Variants in PKHD1 observed in about 807,000 individuals in gnomAD.
The protein encoded by PKHD1 is fibrocystin.
Under a neutral mutation model 412.0 loss-of-function variants are expected in PKHD1, and 291 were observed. The ratio of observed to expected loss-of-function variants is 0.71; its 90% CI spans 0.64 to 0.78. The LOEUF (loss-of-function observed/expected upper bound fraction) is 0.78, where lower values mean the gene tolerates loss of function less well. Among genes scored for constraint, PKHD1 ranks in the 30% least tolerant of loss-of-function variants. The pLI is 0.00. For synonymous variants in PKHD1, 1,777 were observed against 1,821.5 expected (o/e 0.98, Z 0.62); for missense variants, 4,825 against 4,950.7 (o/e 0.97, Z 0.76).
At chr6:51,792,592 G>A (rs1380982980) in intron 52 of PKHD1, among the ~76,000 whole-genome samples, 1 of 152,176 alleles carries the variant, frequency 6.6e-6, no homozygotes, top group African/African-American at 2.4e-5. Context: ...TCCTTTGCAG[G>A]TTGATGAAGC....
intron 12 of PKHD1, 55 bp downstream of exon 12, chr6:52,065,921 A>G: frequency 1.1e-6 from 1 of 881,592 alleles, no homozygotes; most frequent in East Asian, 2.4e-5. Context: ...CAGACATATA[A>G]TCTCCTAGAG....
At position 51,890,055 on chromosome 6, in the gene PKHD1, A is replaced by G. The variant is rs148129990; in HGVS notation, c.6997-2810T>C. Among the ~76,000 whole-genome samples, 295 of 152,220 alleles carry G rather than the reference A, an allele frequency of 1.9e-3. 1 individual carries two copies. The highest frequency in any genetic ancestry group is 6.5e-3 in the African/African-American group (272 of 41,532). ...AATGATGAGTAGAATAATAACACTCATAGTGAAAATCTACAGAGAAGGCAC... is the reference window on the plus strand; with the variant it reads ...AATGATGAGTAGAATAATAACACTCGTAGTGAAAATCTACAGAGAAGGCAC... On this transcript the variant is annotated intron_variant, in intron 43 of 66. Coordinates refer to ENST00000371117, the MANE Select transcript of PKHD1 (RefSeq NM_138694.4).
intron 35 of PKHD1, among the ~76,000 whole-genome samples, chr6:52,001,705 A>G (rs1798420943): frequency 6.6e-6 from 1 of 152,112 alleles, no homozygotes; most frequent in African/African-American, 2.4e-5. Flanking sequence ...TGCTGGGATT[A>G]CAGGTGTGAG....
chr6:51,925,435 C>A (rs1031076548), intron 37 of PKHD1, among the ~76,000 whole-genome samples: 3 of 120,460 alleles, frequency 2.5e-5, no homozygotes, highest in African/African-American at 9.6e-5. Context: ...GTAAATTGTT[C>A]TTCGTGTGTG....
At chr6:52,034,865 T>C (rs960744263) in intron 28 of PKHD1, among the ~76,000 whole-genome samples, 2 of 152,200 alleles carry the variant, frequency 1.3e-5, no homozygotes, top group Admixed American at 1.3e-4. Context: ...GATTAAAATG[T>C]AGGACTAGTG....
intron 60 of PKHD1, chr6:51,721,901 T>G: frequency 1.0e-5 from 16 of 1,606,492 alleles, no homozygotes; most frequent in Non-Finnish European, 8.5e-7. Flanking sequence ...GTCTTTCCAT[T>G]TGGTCCATGC....
rs201478327 is a variant in PKHD1, at chr6:51,632,734, G to A, written c.11507-11C>T. 7.0e-4 allele frequency: 1,124 copies of A among 1,609,382 alleles called. No homozygotes were observed. The highest frequency in any genetic ancestry group is 8.4e-4 in the Non-Finnish European group (983 of 1,176,276). On this transcript the variant is annotated splice_polypyrimidine_tract_variant and intron_variant, in intron 64 of 66. Coordinates refer to ENST00000371117, the MANE Select transcript of PKHD1 (RefSeq NM_138694.4). ...CTGTAAAATTGACTCCTGTGGCGGG[G>A]AAAAGAAGATGTTTCAATGATATGT... is the stretch of plus-strand genomic sequence containing the variant.
At chr6:52,059,688 G>T (rs1808378303) in intron 15 of PKHD1, among the ~76,000 whole-genome samples, 1 of 152,108 alleles carries the variant, frequency 6.6e-6, no homozygotes, top group African/African-American at 2.4e-5. Flanking sequence ...TTGCAGAGAT[G>T]CAGTGAAAAC....
intron 60 of PKHD1, among the ~76,000 whole-genome samples, chr6:51,685,462 G>A (rs972660934): frequency 6.6e-6 from 1 of 151,932 alleles, no homozygotes; most frequent in Admixed American, 6.6e-5. Flanking sequence ...ATTTCTTTGA[G>A]AGCATACTTG....
At chr6:52,048,800 C>T (rs1806282155) in intron 22 of PKHD1, among the ~76,000 whole-genome samples, 181 bp from the exon 23 acceptor site, 1 of 152,208 alleles carries the variant, frequency 6.6e-6, no homozygotes, top group Admixed American at 6.5e-5. Context: ...TTCAGAGTAA[C>T]TTAATTCGTG....
At chr6:51,748,714 G>C in intron 57 of PKHD1, 49 bp from the exon 58 acceptor site, 1 of 1,541,226 alleles carries the variant, frequency 6.5e-7, no homozygotes. Flanking sequence ...CCCACAAAAG[G>C]CTGAAGAATG....
chr6:51,698,142 T>C (rs1024738088), intron 60 of PKHD1, among the ~76,000 whole-genome samples: 2 of 152,224 alleles, frequency 1.3e-5, no homozygotes, highest in African/African-American at 4.8e-5. Flanking sequence ...TGAACAGCCA[T>C]ATTACAAACA....
At chr6:51,667,941 T>C (rs1774133246) in intron 60 of PKHD1, among the ~76,000 whole-genome samples, 1 of 152,162 alleles carries the variant, frequency 6.6e-6, no homozygotes, top group Non-Finnish European at 1.5e-5. Flanking sequence ...CTGTTTTGGT[T>C]ACTGTAGCCT....
At chr6:51,720,585 C>T (rs531774972) in intron 60 of PKHD1, among the ~76,000 whole-genome samples, 2 of 152,158 alleles carry the variant, frequency 1.3e-5, no homozygotes, top group Non-Finnish European at 2.9e-5. Flanking sequence ...TTCCAAGAGC[C>T]ACCTGCCTTG....
intron 52 of PKHD1, among the ~76,000 whole-genome samples, chr6:51,819,461 ATGAATTG>A (rs750045374): frequency 3.3e-5 from 5 of 152,078 alleles, no homozygotes; most frequent in Non-Finnish European, 5.9e-5. Flanking sequence ...GCCTTCAAAT[ATGAATTG>A]TAATTGAATT....
intron 21 of PKHD1, among the ~76,000 whole-genome samples, chr6:52,050,654 C>T (rs1234959015): frequency 1.3e-5 from 2 of 152,160 alleles, no homozygotes. Flanking sequence ...TCCCACAGCC[C>T]CTGGCAACTC....
At chr6:52,057,701 C>T (rs902752352) in intron 16 of PKHD1, among the ~76,000 whole-genome samples, 7 of 152,198 alleles carry the variant, frequency 4.6e-5, no homozygotes, top group African/African-American at 1.7e-4. Context: ...ATGCGTGAGC[C>T]ACCACACCTG....
At chr6:51,636,676 T>C (rs1245749608) in intron 64 of PKHD1, among the ~76,000 whole-genome samples, 3 of 152,182 alleles carry the variant, frequency 2.0e-5, no homozygotes, top group African/African-American at 7.2e-5. Flanking sequence ...AGAAATTTCA[T>C]TGTTTGGCGA....
intron 52 of PKHD1, among the ~76,000 whole-genome samples, chr6:51,800,305 C>A (rs1430211752): frequency 6.6e-6 from 1 of 152,092 alleles, no homozygotes; most frequent in Admixed American, 6.6e-5. Flanking sequence ...ACAATTAGAA[C>A]ACTAAAGCTT....
Sources: gnomAD v4.1 joint callset for allele counts (sites outside exome capture counted in the v4.1 genomes callset) on GRCh38, gnomAD v4.1.1 for gene constraint, MANE v1.5 for transcripts, NCBI Gene and HGNC (gene_info 2026-07-23, HGNC 2026-07-21) for gene names.